Variants in FAM81A observed in about 807,000 individuals in gnomAD.
FAM81A encodes family with sequence similarity 81 member A.
A neutral mutation model predicts 46.7 loss-of-function variants in FAM81A; 19 were observed. That is an observed-to-expected ratio of 0.41 (90% CI 0.28 to 0.60). FAM81A has a LOEUF of 0.60. Ranked by LOEUF, FAM81A falls within the 20% of genes least tolerant of loss-of-function variation. The pLI is 0.34. For missense variants in FAM81A, 377 were observed against 453.5 expected (o/e 0.83, Z 1.53); for synonymous variants, 183 against 152.9 (o/e 1.20, Z -1.45).
chr15:59,510,412 G>C (rs2082194032), intron 6 of FAM81A, among the ~76,000 whole-genome samples: 1 of 148,674 alleles, frequency 6.7e-6, no homozygotes, highest in African/African-American at 2.5e-5. Flanking sequence ...AGTAGAATAA[G>C]TAAAAAGCCA....
chr15:59,489,290 C>CATACATACATAT (rs1417539300), intron 3 of FAM81A, among the ~76,000 whole-genome samples: 5 of 150,162 alleles, frequency 3.3e-5, no homozygotes, highest in African/African-American at 9.8e-5. Context: ...TACATACATA[C>CATACATACATAT]ATACATACAT....
At chr15:59,403,054 A>G (rs2081079069) in intron 2 of FAM81A, among the ~76,000 whole-genome samples, 3 of 152,046 alleles carry the variant, frequency 2.0e-5, no homozygotes, top group Admixed American at 2.0e-4. Context: ...GTTCTAGTTC[A>G]TTTAGTTCAT....
At chr15:59,478,428 CA>C (rs1310939241) in intron 3 of FAM81A, among the ~76,000 whole-genome samples, 1 of 152,192 alleles carries the variant, frequency 6.6e-6, no homozygotes, top group African/African-American at 2.4e-5. Context: ...GCTTTACTAA[CA>C]TGGGAAAGCA....
Position 59,518,139 on chromosome 15 carries a change from ATT to A in FAM81A, c.982+1316_982+1317del, listed in dbSNP as rs576524944. ...AGGCGCCTGACATCACGGCCGGCTA[ATT>A]TTTTTTTTTTTTTTTTAATAGAAAC... On this transcript the variant is annotated intron_variant, in intron 8 of 8. Transcript: ENST00000288228. Among the ~76,000 whole-genome samples the A allele has an allele frequency of 9.3e-3, 1,258 of 134,708 alleles. 16 individuals are homozygous for A. Among genetic ancestry groups the A allele is most frequent in the African/African-American group, 0.032 (1,151 of 36,304 alleles). 88.4% of individuals were successfully genotyped at this position (134,708 alleles called of 152,430 possible).
chr15:59,430,008 A>G (rs1431922780), intron 2 of FAM81A, among the ~76,000 whole-genome samples: 4 of 152,154 alleles, frequency 2.6e-5, no homozygotes, highest in Non-Finnish European at 5.9e-5. Flanking sequence ...TTGTAATTTT[A>G]CTTTACCATT....
intron 2 of FAM81A, among the ~76,000 whole-genome samples, chr15:59,414,944 T>G (rs2081139383): frequency 6.6e-6 from 1 of 151,504 alleles, no homozygotes. Context: ...GCCTCCCAAG[T>G]AGCTGGGACT....
At chr15:59,412,613 G>A (rs1290836052) in intron 2 of FAM81A, among the ~76,000 whole-genome samples, 1 of 152,140 alleles carries the variant, frequency 6.6e-6, no homozygotes, top group East Asian at 1.9e-4. Flanking sequence ...TGTAGTCCCA[G>A]CTATTCTGGA....
At chr15:59,415,332 C>T (rs529633140) in intron 2 of FAM81A, among the ~76,000 whole-genome samples, 97 of 150,770 alleles carry the variant, frequency 6.4e-4, no homozygotes, top group African/African-American at 2.1e-3. Context: ...GTTGGCCAAG[C>T]TGGTCTTGAA....
At chr15:59,520,739 A>G (rs1170195661) in intron 8 of FAM81A, among the ~76,000 whole-genome samples, 2 of 151,762 alleles carry the variant, frequency 1.3e-5, no homozygotes, top group Admixed American at 1.3e-4. Flanking sequence ...TAATTTTTGT[A>G]TTTTTAGTAG....
intron 4 of FAM81A, among the ~76,000 whole-genome samples, chr15:59,502,882 C>T (rs2141800699): frequency 6.6e-6 from 1 of 152,142 alleles, no homozygotes; most frequent in Non-Finnish European, 1.5e-5. Context: ...CCCTGCCCAG[C>T]CTGCTTCTTT....
chr15:59,511,405 G>T (rs1392097000), intron 6 of FAM81A, among the ~76,000 whole-genome samples: 2 of 152,164 alleles, frequency 1.3e-5, no homozygotes, highest in African/African-American at 4.8e-5. Context: ...AATAAAATTG[G>T]TATAATTTCC....
In FAM81A at chr15:59,405,928, G is replaced by T. The variant is rs1596458357; in HGVS notation, c.-78+3570G>T. On this transcript the variant is annotated intron_variant, in intron 2 of 4. Coordinates refer to the FAM81A transcript ENST00000558348. ...AGCGTCTCCTAGGGCAGCCAGTCTG[G>T]AACAGTCAGTCACCTAGGGTCCTGG... Among the ~76,000 whole-genome samples the T allele has an allele frequency of 3.3e-5, 5 of 152,172 alleles. No homozygotes were observed. The East Asian group carries it at 9.6e-4, about 29-fold the overall frequency.
At chr15:59,405,439 G>A (rs1017511793) in intron 2 of FAM81A, among the ~76,000 whole-genome samples, 1 of 151,962 alleles carries the variant, frequency 6.6e-6, no homozygotes, top group East Asian at 1.9e-4. Context: ...TCAGGAGTTC[G>A]AGACCAGCCA....
chr15:59,428,086 A>G (rs1416737021), intron 2 of FAM81A, among the ~76,000 whole-genome samples: 1 of 152,224 alleles, frequency 6.6e-6, no homozygotes, highest in Admixed American at 6.5e-5. Context: ...CTTTTAGGAT[A>G]AAAGCCGTTT....
chr15:59,449,440 G>C (rs1301214326), intron 1 of FAM81A, among the ~76,000 whole-genome samples: 1 of 152,108 alleles, frequency 6.6e-6, no homozygotes, highest in African/African-American at 2.4e-5. Flanking sequence ...TTCATCTTGA[G>C]ATGTTACAGA....
intron 1 of FAM81A, among the ~76,000 whole-genome samples, chr15:59,443,591 T>C (rs2081323929): frequency 6.6e-6 from 1 of 152,184 alleles, no homozygotes. Context: ...TTCTCATGAG[T>C]AGTGGAGTGT....
intron 2 of FAM81A, among the ~76,000 whole-genome samples, chr15:59,427,653 C>T (rs761582463): frequency 1.3e-4 from 20 of 152,152 alleles, no homozygotes; most frequent in African/African-American, 4.8e-4. Context: ...TGAGAACATG[C>T]AAAGTTTGTC....
intron 3 of FAM81A, among the ~76,000 whole-genome samples, chr15:59,479,519 G>GAAAAAAAAAAA (rs57107735): frequency 6.7e-4 from 49 of 72,668 alleles, no homozygotes; most frequent in Non-Finnish European, 8.8e-4. Flanking sequence ...TCAAAAATAA[G>GAAAAAAAAAAA]AAAAAAAAAA....
intron 3 of FAM81A, among the ~76,000 whole-genome samples, chr15:59,490,637 G>A (rs2081970651): frequency 6.6e-6 from 1 of 152,134 alleles, no homozygotes; most frequent in Non-Finnish European, 1.5e-5. Context: ...TTTCAGACCA[G>A]CCTGGTCAAC....
Sources: gnomAD v4.1 joint callset for allele counts (sites outside exome capture counted in the v4.1 genomes callset) on GRCh38, gnomAD v4.1.1 for gene constraint, MANE v1.5 for transcripts, NCBI Gene and HGNC (gene_info 2026-07-23, HGNC 2026-07-21) for gene names.